HS3ST5: variants seen among roughly 807,000 people sequenced by gnomAD.
HS3ST5 encodes heparan sulfate-glucosamine 3-sulfotransferase 5.
In HS3ST5, 10 loss-of-function variants were observed where a neutral mutation model predicts 25.4. The observed-to-expected ratio is 0.39, with a 90% CI of 0.24 to 0.67. The LOEUF is 0.67. Ranked by LOEUF, HS3ST5 falls within the 30% of genes least tolerant of loss-of-function variation. HS3ST5 has a pLI of 0.44. For synonymous variants in HS3ST5, 170 were observed against 162.4 expected, an observed-to-expected ratio of 1.05 and a Z score of -0.36; for missense variants, 324 against 420.7, an observed-to-expected ratio of 0.77 and a Z score of 2.01.
chr6:114,154,988 AC>A (rs1236446797), intron 3 of HS3ST5, among the ~76,000 whole-genome samples: 1 of 150,212 alleles, frequency 6.7e-6, no homozygotes, highest in East Asian at 2.0e-4. Flanking sequence ...CCACCACCCC[AC>A]CCCCAGCTGG....
At chr6:114,088,449 C>T (rs1774957798) in intron 3 of HS3ST5, among the ~76,000 whole-genome samples, 2 of 150,986 alleles carry the variant, frequency 1.3e-5, no homozygotes, top group Admixed American at 1.3e-4. Flanking sequence ...CCTCCAAGCT[C>T]ACTTTAGCTT....
At chr6:114,138,579 A>G (rs566596106) in intron 3 of HS3ST5, among the ~76,000 whole-genome samples, 7 of 152,280 alleles carry the variant, frequency 4.6e-5, no homozygotes, top group African/African-American at 1.7e-4. Context: ...TTTCCTTCCT[A>G]GCATCTCTCG....
intron 1 of HS3ST5, among the ~76,000 whole-genome samples, chr6:114,249,644 G>C (rs1418312737): frequency 6.6e-6 from 1 of 152,198 alleles, no homozygotes; most frequent in Non-Finnish European, 1.5e-5. Flanking sequence ...TGTGCATCCA[G>C]TGATTGGTCA....
At chr6:114,222,644 T>C (rs1782095376) in intron 2 of HS3ST5, among the ~76,000 whole-genome samples, 1 of 151,786 alleles carries the variant, frequency 6.6e-6, no homozygotes, top group Non-Finnish European at 1.5e-5. Flanking sequence ...TATGGCACAG[T>C]GTATATATAC....
At chr6:114,221,339 A>C (rs950620764) in intron 2 of HS3ST5, among the ~76,000 whole-genome samples, 2 of 152,030 alleles carry the variant, frequency 1.3e-5, no homozygotes, top group African/African-American at 4.8e-5. Flanking sequence ...CATATAGTAC[A>C]TAAAAATATG....
intron 3 of HS3ST5, 80 bp from the exon 4 acceptor site, chr6:114,062,957 G>A (rs1486781108): frequency 2.8e-6 from 2 of 725,700 alleles, no homozygotes; most frequent in Non-Finnish European, 4.7e-6. Flanking sequence ...GTGGAAGACA[G>A]GTGATAAGTG....
intron 2 of HS3ST5, among the ~76,000 whole-genome samples, chr6:114,178,376 T>TAAATGGCCACA (rs1033866714): frequency 1.3e-5 from 2 of 152,126 alleles, no homozygotes; most frequent in African/African-American, 4.8e-5. Context: ...AAGTACATAG[T>TAAATGGCCACA]AAATGGCCAC....
At chr6:114,202,897 G>A (rs1781094009) in intron 2 of HS3ST5, among the ~76,000 whole-genome samples, 1 of 152,140 alleles carries the variant, frequency 6.6e-6, no homozygotes, top group African/African-American at 2.4e-5. Context: ...CTGACAAAAT[G>A]GTGTTGCAAA....
At chr6:114,229,025 T>C (rs1771444640) in intron 1 of HS3ST5, among the ~76,000 whole-genome samples, 1 of 152,228 alleles carries the variant, frequency 6.6e-6, no homozygotes. Context: ...TTGCATCAGG[T>C]GATATCATTA....
chr6:114,136,130 C>T (rs1435063501), intron 3 of HS3ST5, among the ~76,000 whole-genome samples: 4 of 152,212 alleles, frequency 2.6e-5, no homozygotes, highest in Non-Finnish European at 5.9e-5. Context: ...AGATTACAAA[C>T]CTCACAAAAC....
chr6:114,305,162 G>T (rs1582802585), intron 1 of HS3ST5, among the ~76,000 whole-genome samples: 2 of 152,088 alleles, frequency 1.3e-5, no homozygotes, highest in South Asian at 2.1e-4. Flanking sequence ...ACTGAGTTCT[G>T]CAGTTCTCCT....
At chr6:114,115,710 T>C (rs1472041436) in intron 3 of HS3ST5, among the ~76,000 whole-genome samples, 2 of 152,142 alleles carry the variant, frequency 1.3e-5, no homozygotes, top group Non-Finnish European at 2.9e-5. Context: ...GGAAGTTCTC[T>C]TTCTTTTTAT....
chr6:114,058,151 TC>T lies in HS3ST5; in HGVS notation c.146del (p.Gly49GlufsTer50). 3 of 1,610,702 alleles carry T rather than the reference TC, an allele frequency of 1.9e-6. No homozygotes were observed. The highest frequency in any genetic ancestry group is 2.5e-6 in the Non-Finnish European group (3 of 1,177,340). On this transcript the variant is annotated frameshift_variant, in exon 5 of 5. Transcript: ENST00000312719. LOFTEE classifies it high-confidence loss of function. ...PICPIEGRLG[G>X]ARTQAEFPLR... Reference sequence around the variant, plus strand: ...GTGGGAATTCAGCCTGAGTGCGGGCTCCACCCAGTCGACCTTCAATGGGGCA... The same window carrying T: ...GTGGGAATTCAGCCTGAGTGCGGGCTCACCCAGTCGACCTTCAATGGGGCA...
intron 3 of HS3ST5, among the ~76,000 whole-genome samples, chr6:114,165,127 A>T (rs1779148655): frequency 6.6e-6 from 1 of 152,176 alleles, no homozygotes; most frequent in Admixed American, 6.5e-5. Context: ...CCAGATGAAG[A>T]GCTTGCCATA....
At chr6:114,162,248 A>G (rs77797245) in intron 3 of HS3ST5, among the ~76,000 whole-genome samples, 86 of 152,298 alleles carry the variant, frequency 5.6e-4, no homozygotes, top group Non-Finnish European at 9.4e-4. Flanking sequence ...CAGGAATATT[A>G]TATATAATGT....
At position 114,062,724 on chromosome 6, in the gene HS3ST5, G is replaced by A. The variant is rs1450234630; in HGVS notation, c.107+15C>T. On this transcript the variant is annotated intron_variant, in intron 4 of 4. Coordinates refer to ENST00000312719, the MANE Select transcript of HS3ST5 (RefSeq NM_153612.4). ...TAATGTCACAGGGGTATAAGCATGT[G>A]TTTTAAGCACCCACCTATCCAAGCT... 1 of 1,564,664 alleles carries A rather than the reference G, an allele frequency of 6.4e-7. No homozygotes were observed. The highest frequency in any genetic ancestry group is 8.8e-7 in the Non-Finnish European group (1 of 1,135,112).
At chr6:114,150,985 T>C (rs915601807) in intron 3 of HS3ST5, among the ~76,000 whole-genome samples, 1 of 152,202 alleles carries the variant, frequency 6.6e-6, no homozygotes, top group Non-Finnish European at 1.5e-5. Context: ...TTTTACTGCT[T>C]TTTTTAAAGC....
chr6:114,207,254 T>G (rs1397036678), intron 2 of HS3ST5, among the ~76,000 whole-genome samples: 1 of 152,170 alleles, frequency 6.6e-6, no homozygotes, highest in South Asian at 2.1e-4. Flanking sequence ...TTCTGCAATT[T>G]AGTATTATTG....
intron 2 of HS3ST5, among the ~76,000 whole-genome samples, chr6:114,213,267 C>T (rs1421442971): frequency 6.8e-6 from 1 of 146,610 alleles, no homozygotes; most frequent in Non-Finnish European, 1.5e-5. Context: ...CTTTCCTCTC[C>T]TCTCCTCTTC....
Sources: allele counts gnomAD v4.1 joint callset (sites outside exome capture counted in the v4.1 genomes callset), GRCh38; gene constraint gnomAD v4.1.1; transcripts MANE v1.5; gene names NCBI Gene and HGNC (gene_info 2026-07-23, HGNC 2026-07-21).